Variants in CALN1 observed in about 807,000 individuals in gnomAD.
The protein encoded by CALN1 is calcium-binding protein 8.
CALN1 carries 17 observed loss-of-function variants against 30.6 expected under a neutral mutation model. The observed-to-expected ratio is 0.56, with a 90% CI of 0.38 to 0.83. CALN1 has a LOEUF of 0.83. CALN1 is among the 40% of genes least tolerant of loss of function. The pLI, the probability that CALN1 is intolerant of heterozygous loss-of-function variation, is 0.00. For synonymous variants in CALN1, 156 were observed against 131.4 expected, an observed-to-expected ratio of 1.19 and a Z score of -1.28; for missense variants, 291 against 354.9, an observed-to-expected ratio of 0.82 and a Z score of 1.45.
At chr7:72,081,830 T>C (rs1042487835) in intron 4 of CALN1, among the ~76,000 whole-genome samples, 1 of 152,134 alleles carries the variant, frequency 6.6e-6, no homozygotes, top group Non-Finnish European at 1.5e-5. Context: ...CTGAGCCTGA[T>C]TTATCTTTCT....
intron 2 of CALN1, among the ~76,000 whole-genome samples, chr7:72,323,668 A>AAT (rs941997224): frequency 6.6e-6 from 1 of 150,852 alleles, no homozygotes; most frequent in East Asian, 2.0e-4. Flanking sequence ...TCTCAAAAAA[A>AAT]AAAAAATAAA....
intron 2 of CALN1, among the ~76,000 whole-genome samples, chr7:72,297,056 G>A (rs1294160961): frequency 6.6e-6 from 1 of 152,032 alleles, no homozygotes; most frequent in Non-Finnish European, 1.5e-5. Context: ...TTTCTCTTGT[G>A]GGCATTTAGT....
chr7:72,267,396 T>A (rs762471528), intron 3 of CALN1, among the ~76,000 whole-genome samples: 1 of 152,182 alleles, frequency 6.6e-6, no homozygotes, highest in Non-Finnish European at 1.5e-5. Context: ...GCACCTCTCC[T>A]CTCAGTAAGG....
upstream of CALN1, among the ~76,000 whole-genome samples, chr7:72,414,000 TC>T (rs1807342906): frequency 6.6e-6 from 1 of 152,076 alleles, no homozygotes; most frequent in African/African-American, 2.4e-5. Context: ...TGTTTTTGAG[TC>T]CCCTGCTACA....
the CALN1 span, among the ~76,000 whole-genome samples, chr7:72,464,248 G>A: frequency 6.6e-6 from 1 of 152,144 alleles, no homozygotes; most frequent in African/African-American, 2.4e-5. Context: ...GTTCAAGGCT[G>A]CAGTGAGCTA....
In CALN1 at chr7:72,136,172, G is replaced by T. The variant is rs529909735; in HGVS notation, c.245-29878C>A. Among the ~76,000 whole-genome samples the T allele has an allele frequency of 5.6e-3, 309 of 55,398 alleles. 1 individual carries two copies. Among genetic ancestry groups the T allele is most frequent in the African/African-American group, 0.024 (252 of 10,292 alleles). 36.3% of individuals were successfully genotyped at this position (55,398 alleles called of 152,430 possible). On this transcript the variant is annotated intron_variant, in intron 3 of 6. Coordinates refer to ENST00000395275, the MANE Select transcript of CALN1 (RefSeq NM_031468.4). ...ATAAATAAATAAATAAATAAATAAA[G>T]GGCTGGTTTTTTCTGCATTGAAAAA...
chr7:71,855,099 G>T (rs1790866028), intron 5 of CALN1, among the ~76,000 whole-genome samples: 1 of 152,092 alleles, frequency 6.6e-6, no homozygotes, highest in Admixed American at 6.6e-5. Flanking sequence ...CTCAAACTTC[G>T]AGCTAATAAA....
intron 1 of CALN1, among the ~76,000 whole-genome samples, chr7:72,423,350 TTTAC>T (rs1467173164): frequency 4.6e-5 from 7 of 152,168 alleles, no homozygotes; most frequent in African/African-American, 7.2e-5. Context: ...CCTTTTTCAT[TTTAC>T]TTTTCTGAGT....
chr7:71,904,659 G>A (rs747152813), intron 5 of CALN1, among the ~76,000 whole-genome samples: 16 of 152,118 alleles, frequency 1.1e-4, no homozygotes, highest in Non-Finnish European at 1.9e-4. Flanking sequence ...AGTCAGTGAC[G>A]ATAGTATTCT....
chr7:72,239,363 T>C (rs1321163514), intron 3 of CALN1, among the ~76,000 whole-genome samples: 1 of 152,036 alleles, frequency 6.6e-6, no homozygotes, highest in Non-Finnish European at 1.5e-5. Flanking sequence ...ACCACCGCAC[T>C]CCAGCCTGGA....
At chr7:72,399,404 G>A (rs1351131633) in intron 2 of CALN1, among the ~76,000 whole-genome samples, 1 of 151,254 alleles carries the variant, frequency 6.6e-6, no homozygotes, top group Non-Finnish European at 1.5e-5. Flanking sequence ...CCGAGTAGCT[G>A]GGACTGTAAG....
intron 4 of CALN1, among the ~76,000 whole-genome samples, chr7:72,042,317 T>A (rs1011410137): frequency 6.6e-6 from 1 of 152,128 alleles, no homozygotes; most frequent in Non-Finnish European, 1.5e-5. Context: ...TGATTTACCA[T>A]GGAGAAAGAA....
At chr7:72,237,306 G>C (rs903637976) in intron 3 of CALN1, among the ~76,000 whole-genome samples, 9 of 152,086 alleles carry the variant, frequency 5.9e-5, no homozygotes, top group African/African-American at 1.9e-4. Flanking sequence ...TATTATACCG[G>C]TAAGGGAAGA....
At chr7:72,292,100 C>T (rs1338515148) in intron 2 of CALN1, among the ~76,000 whole-genome samples, 8 of 151,990 alleles carry the variant, frequency 5.3e-5, no homozygotes. Context: ...AGAATAATTG[C>T]AGTTATTGCC....
At chr7:72,204,951 T>C (rs1040302867) in intron 3 of CALN1, among the ~76,000 whole-genome samples, 1 of 152,216 alleles carries the variant, frequency 6.6e-6, no homozygotes, top group Non-Finnish European at 1.5e-5. Flanking sequence ...TCTACAATTT[T>C]ATAATCCCAA....
chr7:72,012,127 ATT>A (rs1408660574), intron 5 of CALN1, among the ~76,000 whole-genome samples: 1 of 152,118 alleles, frequency 6.6e-6, no homozygotes, highest in East Asian at 1.9e-4. Flanking sequence ...GTGACCAGTG[ATT>A]TTTCTCTTCT....
intron 3 of CALN1, among the ~76,000 whole-genome samples, chr7:72,231,625 TTTA>T (rs1324781750): frequency 2.6e-5 from 4 of 152,074 alleles, no homozygotes; most frequent in African/African-American, 7.2e-5. Context: ...AGAATGATAT[TTTA>T]TTGCTATTGT....
intron 5 of CALN1, among the ~76,000 whole-genome samples, chr7:71,930,549 A>G (rs988858797): frequency 6.6e-6 from 1 of 152,118 alleles, no homozygotes; most frequent in African/African-American, 2.4e-5. Flanking sequence ...GTCTTTTTAA[A>G]TTTTTAATAC....
intron 5 of CALN1, among the ~76,000 whole-genome samples, chr7:71,935,005 C>T (rs1795755113): frequency 6.6e-6 from 1 of 152,172 alleles, no homozygotes. Context: ...CCTCCAACAA[C>T]ACATGGAAAT....
Sources: allele counts gnomAD v4.1 joint callset (sites outside exome capture counted in the v4.1 genomes callset), GRCh38; gene constraint gnomAD v4.1.1; transcripts MANE v1.5; gene names NCBI Gene and HGNC (gene_info 2026-07-23, HGNC 2026-07-21).